The following SEMA5A variants were observed in gnomAD, a reference collection of about 807,000 sequenced individuals.
SEMA5A encodes semaphorin-5A.
In SEMA5A, 55 loss-of-function variants were observed where a neutral mutation model predicts 135.5. The observed-to-expected ratio is 0.41, with a 90% CI of 0.33 to 0.51. The LOEUF (loss-of-function observed/expected upper bound fraction) is 0.51, where lower values mean the gene tolerates loss of function less well. SEMA5A is among the 20% of genes least tolerant of loss of function. SEMA5A has a pLI of 0.37. For synonymous variants in SEMA5A, 580 were observed against 546.5 expected (o/e 1.06, Z -0.85); for missense variants, 1,290 against 1,419.9 (o/e 0.91, Z 1.47).
intron 5 of SEMA5A, among the ~76,000 whole-genome samples, chr5:9,306,724 C>T (rs1287914745): frequency 6.6e-6 from 1 of 152,102 alleles, no homozygotes; most frequent in Admixed American, 6.6e-5. Flanking sequence ...GATAGGGTGC[C>T]CTGTTCTATA....
chr5:9,340,956 T>G (rs192655551), intron 3 of SEMA5A, among the ~76,000 whole-genome samples: 63 of 152,262 alleles, frequency 4.1e-4, no homozygotes, highest in Admixed American at 7.2e-4. Flanking sequence ...GTTGCTCTCA[T>G]CTCTTCTTTC....
chr5:9,500,814 G>A (rs965438491), intron 1 of SEMA5A, among the ~76,000 whole-genome samples: 2 of 152,296 alleles, frequency 1.3e-5, no homozygotes, highest in South Asian at 2.1e-4. Context: ...AGAGGAATAT[G>A]TTTATGCTAC....
intron 3 of SEMA5A, among the ~76,000 whole-genome samples, chr5:9,354,417 ATG>A (rs370486133): frequency 7.2e-4 from 109 of 152,126 alleles, no homozygotes; most frequent in African/African-American, 2.5e-3. Flanking sequence ...TCATTTCCTG[ATG>A]TGTGCCAAAC....
Position 9,367,870 on chromosome 5 carries a change from A to C in SEMA5A, c.124+11953T>G, listed in dbSNP as rs76224942. Among the ~76,000 whole-genome samples, 33 of 152,302 alleles carry C rather than the reference A, an allele frequency of 2.2e-4. No individual in the cohort carries two copies. The East Asian group carries it at 6.2e-3, about 29-fold the overall frequency. The stretch of plus-strand genomic sequence containing the variant: ...ATGTAACATCTGGTTGTTAAAAAAG[A>C]GTCTGGGACATCTGCCCTGTCTCTC... On this transcript the variant is annotated intron_variant, in intron 3 of 22. Transcript: ENST00000382496.
At chr5:9,269,469 T>C (rs1037681578) in intron 5 of SEMA5A, among the ~76,000 whole-genome samples, 2 of 152,122 alleles carry the variant, frequency 1.3e-5, no homozygotes, top group Admixed American at 1.3e-4. Flanking sequence ...TATGCAACCT[T>C]GAGCAAATGG....
Position 9,062,992 on chromosome 5 carries a change from G to C in SEMA5A, c.2413C>G (p.Arg805Gly). The C allele has an allele frequency of 6.2e-7, 1 of 1,614,206 alleles. No homozygotes were observed. Among genetic ancestry groups the C allele is most frequent in the Non-Finnish European group, 8.5e-7 (1 of 1,180,036 alleles). The stretch of plus-strand genomic sequence containing the variant: ...TTGTTGCAAACACGCTTCCGGTTCC[G>C]AATGCCCCTGCTGCAGTCACGGCTG... Reference protein sequence around the residue: ...QCSRDCSRGIRNRKRVCNNPE... With the variant: ...QCSRDCSRGIGNRKRVCNNPE... Residue 805 changes from arginine (R) to glycine (G), a missense_variant, in exon 18 of 23, where the codon CGG (arginine) becomes GGG (glycine). Physicochemically the swap from Arg to Gly is moderately radical, Grantham distance 125. Around this residue, in one of 3 missense-constraint regions of SEMA5A, gnomAD observed 1,029 missense variants for 1,086.6 expected, o/e 0.95. Coordinates refer to ENST00000382496, the MANE Select transcript of SEMA5A (RefSeq NM_003966.3).
At chr5:9,336,439 A>T (rs1044170257) in intron 4 of SEMA5A, among the ~76,000 whole-genome samples, 1 of 152,120 alleles carries the variant, frequency 6.6e-6, no homozygotes, top group Non-Finnish European at 1.5e-5. Context: ...GACTGATTTA[A>T]CACCACTGCA....
intron 18 of SEMA5A, among the ~76,000 whole-genome samples, chr5:9,060,004 G>T (rs1737096877): frequency 6.6e-6 from 1 of 152,118 alleles, no homozygotes; most frequent in African/African-American, 2.4e-5. Context: ...GCCTCTAACT[G>T]GCTTCCTGGT....
chr5:9,062,992 G>A lies in SEMA5A; in HGVS notation c.2413C>T (p.Arg805Trp), dbSNP rs374937856. The A allele has an allele frequency of 1.9e-5, 31 of 1,614,088 alleles. No individual in the cohort carries two copies. The highest frequency in any genetic ancestry group is 2.5e-5 in the Non-Finnish European group (29 of 1,180,044). Residue 805 changes from arginine (R) to tryptophan (W), a missense_variant, in exon 18 of 23, where the codon CGG becomes TGG. Arg to Trp is a moderately radical substitution (Grantham distance 101). Around this residue, in one of 3 missense-constraint regions of SEMA5A, gnomAD observed 1,029 missense variants for 1,086.6 expected, o/e 0.95. Transcript: ENST00000382496. Reference sequence around the variant, plus strand: ...TTGTTGCAAACACGCTTCCGGTTCCGAATGCCCCTGCTGCAGTCACGGCTG... The same window carrying A: ...TTGTTGCAAACACGCTTCCGGTTCCAAATGCCCCTGCTGCAGTCACGGCTG... ...QCSRDCSRGI[R>W]NRKRVCNNPE...
intron 3 of SEMA5A, among the ~76,000 whole-genome samples, chr5:9,345,664 C>T (rs1310546405): frequency 6.6e-6 from 1 of 152,098 alleles, no homozygotes; most frequent in African/African-American, 2.4e-5. Flanking sequence ...AAGGCCATCC[C>T]ACTCAGCAAG....
intron 1 of SEMA5A, among the ~76,000 whole-genome samples, chr5:9,504,223 A>C (rs2387705): frequency 6.0e-5 from 6 of 100,818 alleles, no homozygotes; most frequent in South Asian, 7.1e-4. Context: ...AAAAAAAAAA[A>C]GAAAAAAAAA....
intron 1 of SEMA5A, among the ~76,000 whole-genome samples, chr5:9,525,585 C>T (rs1037527851): frequency 6.6e-6 from 1 of 152,212 alleles, no homozygotes; most frequent in Non-Finnish European, 1.5e-5. Context: ...ACTTGTCTCT[C>T]GGAGCCTTTT....
intron 1 of SEMA5A, among the ~76,000 whole-genome samples, chr5:9,464,340 C>G (rs1353583954): frequency 6.6e-6 from 1 of 152,084 alleles, no homozygotes; most frequent in African/African-American, 2.4e-5. Flanking sequence ...GTCTAAACTC[C>G]CATGTCTTAC....
chr5:9,428,432 G>C lies in SEMA5A; in HGVS notation c.-78+9324C>G, dbSNP rs190705688. ...GTGTTCAAATGCTCACTTTAAGAAA[G>C]GTTAGATGCCAGGAAGGAAGTGATA... On this transcript the variant is annotated intron_variant, in intron 2 of 22. Coordinates refer to ENST00000382496, the MANE Select transcript of SEMA5A (RefSeq NM_003966.3). Among the ~76,000 whole-genome samples the C allele has an allele frequency of 4.6e-5, 7 of 152,238 alleles. No homozygotes were observed. In the East Asian group the frequency reaches 1.4e-3, roughly 29 times the overall value.
At chr5:9,462,738 T>C (rs1759103527) in intron 1 of SEMA5A, among the ~76,000 whole-genome samples, 1 of 151,960 alleles carries the variant, frequency 6.6e-6, no homozygotes, top group African/African-American at 2.4e-5. Context: ...GAAAACCAAA[T>C]ACCGCATTTT....
intron 5 of SEMA5A, among the ~76,000 whole-genome samples, chr5:9,239,791 T>C (rs1374838183): frequency 1.1e-4 from 17 of 152,074 alleles, no homozygotes; most frequent in Non-Finnish European, 1.6e-4. Context: ...TGAAATACTT[T>C]AGATAAAGAG....
At chr5:9,453,943 C>A (rs1485225374) in intron 1 of SEMA5A, among the ~76,000 whole-genome samples, 1 of 152,140 alleles carries the variant, frequency 6.6e-6, no homozygotes, top group Non-Finnish European at 1.5e-5. Flanking sequence ...GTAATCAGCT[C>A]CACAGAGGGA....
intron 8 of SEMA5A, 76 bp downstream of exon 8, chr5:9,224,598 A>G (rs925206376): frequency 8.0e-7 from 1 of 1,251,076 alleles, no homozygotes; most frequent in African/African-American, 1.5e-5. Context: ...AGAGTGTTGT[A>G]GTTTGCTTTT....
intron 5 of SEMA5A, among the ~76,000 whole-genome samples, chr5:9,317,135 T>C (rs1752427571): frequency 6.6e-6 from 1 of 152,192 alleles, no homozygotes; most frequent in Non-Finnish European, 1.5e-5. Flanking sequence ...AATAAATTCA[T>C]AATTTTACCA....
Sources: allele counts gnomAD v4.1 joint callset (sites outside exome capture counted in the v4.1 genomes callset), GRCh38; gene constraint gnomAD v4.1.1; regional missense constraint gnomAD v4.1.1; transcripts MANE v1.5; gene names NCBI Gene and HGNC (gene_info 2026-07-23, HGNC 2026-07-21).